ACTR3C: variants seen among roughly 807,000 people sequenced by gnomAD.
The protein encoded by ACTR3C is actin-related protein 3C.
A neutral mutation model predicts 26.3 loss-of-function variants in ACTR3C; 18 were observed. The observed-to-expected ratio is 0.68, with a 90% CI of 0.47 to 1.01. The LOEUF (loss-of-function observed/expected upper bound fraction) is 1.01, where lower values mean the gene tolerates loss of function less well. ACTR3C is among the 50% of genes least tolerant of loss of function. The pLI is 0.00. For missense variants in ACTR3C, 184 were observed against 250.7 expected (o/e 0.73, Z 1.80); for synonymous variants, 55 against 94.5 (o/e 0.58, Z 2.42).
chr7:150,314,265 C>T (rs1056215770), intron 1 of ACTR3C, among the ~76,000 whole-genome samples: 1 of 152,192 alleles, frequency 6.6e-6, no homozygotes, highest in Non-Finnish European at 1.5e-5. Context: ...AGCCTTGTTC[C>T]TGGATTTAAC....
the ACTR3C span, among the ~76,000 whole-genome samples, chr7:150,104,501 C>G: frequency 1.3e-5 from 2 of 151,662 alleles, no homozygotes; most frequent in African/African-American, 2.4e-5. Context: ...GTTTCCCTGT[C>G]TTCAGGATGT....
At chr7:150,231,002 A>G in the ACTR3C span, among the ~76,000 whole-genome samples, 5 of 151,808 alleles carry the variant, frequency 3.3e-5, no homozygotes, top group East Asian at 9.7e-4. Context: ...TTCTGCTCTA[A>G]TTTTTTTATG....
chr7:150,034,954 A>AGCTCTC, the ACTR3C span, among the ~76,000 whole-genome samples: 1 of 132,230 alleles, frequency 7.6e-6, no homozygotes, highest in Non-Finnish European at 1.6e-5. Flanking sequence ...AAGAGGGGAT[A>AGCTCTC]ACTCTCAGTC....
chr7:150,275,495 G>C (rs556351079), intron 6 of ACTR3C, among the ~76,000 whole-genome samples: 1 of 152,344 alleles, frequency 6.6e-6, no homozygotes, highest in African/African-American at 2.4e-5. Context: ...CAGATCACCT[G>C]AGGTCAGGAG....
chr7:150,297,211 T>A (rs1245844723), intron 1 of ACTR3C, among the ~76,000 whole-genome samples: 4 of 149,114 alleles, frequency 2.7e-5, no homozygotes, highest in African/African-American at 5.2e-5. Flanking sequence ...CTGGCCACAG[T>A]GTCAATCAAG....
chr7:150,085,726 G>A, the ACTR3C span, among the ~76,000 whole-genome samples: 9 of 152,082 alleles, frequency 5.9e-5, no homozygotes, highest in Non-Finnish European at 8.8e-5. Context: ...AGTTTAATAA[G>A]TATCCATCAT....
chr7:150,146,620 C>A, the ACTR3C span, among the ~76,000 whole-genome samples: 2 of 152,146 alleles, frequency 1.3e-5, no homozygotes, highest in Non-Finnish European at 2.9e-5. Context: ...TACGTTCTAG[C>A]TACTGGAATA....
chr7:150,286,253 C>T lies in ACTR3C; in HGVS notation c.471+114G>A, dbSNP rs1220213411. 3.7e-5 allele frequency: 49 copies of T among 1,341,244 alleles called. No homozygotes were observed. The South Asian group carries it at 6.9e-4, about 19-fold the overall frequency. The allele number at this position is 1,341,244 out of a possible 1,614,324, so 83.1% of individuals were successfully genotyped here. On this transcript the variant is annotated intron_variant, in intron 5 of 7. Transcript: ENST00000683684. ...AACTGCATGGGGGATGCAGAGAGAC[C>T]GAATGACGGCCACCCTGCTCACAGG... is the stretch of plus-strand genomic sequence containing the variant.
chr7:150,108,084 G>C, the ACTR3C span, among the ~76,000 whole-genome samples: 1 of 150,064 alleles, frequency 6.7e-6, no homozygotes, highest in African/African-American at 2.5e-5. Context: ...ATAGTGATCT[G>C]ATAGCAGTGG....
intron 6 of ACTR3C, among the ~76,000 whole-genome samples, chr7:150,254,925 A>G (rs1413619767): frequency 2.0e-5 from 3 of 152,178 alleles, no homozygotes; most frequent in Non-Finnish European, 4.4e-5. Flanking sequence ...CGAATATGGC[A>G]TCAAGTTTGA....
chr7:150,282,851 G>C (rs1308170709), intron 6 of ACTR3C, among the ~76,000 whole-genome samples: 1 of 146,176 alleles, frequency 6.8e-6, no homozygotes, highest in South Asian at 2.1e-4. Context: ...ACTCCAGCAC[G>C]GGCAACAAAA....
intron 6 of ACTR3C, among the ~76,000 whole-genome samples, chr7:150,271,287 CACCAACCCGTCATCT>C: frequency 6.8e-6 from 1 of 146,660 alleles, no homozygotes; most frequent in South Asian, 2.2e-4. Flanking sequence ...TTGCTGCACC[CACCAACCCGTCATCT>C]ACATTAGGTA....
At chr7:150,087,378 G>C in the ACTR3C span, among the ~76,000 whole-genome samples, 3 of 152,150 alleles carry the variant, frequency 2.0e-5, no homozygotes, top group African/African-American at 7.2e-5. Context: ...TTTCATAATA[G>C]AGTCATGAGT....
In ACTR3C at chr7:150,293,386, G is replaced by A. The variant is rs1490334552; in HGVS notation, c.79C>T (p.Arg27Ter). 24 of 1,605,326 alleles carry A rather than the reference G, an allele frequency of 1.5e-5. No individual in the cohort carries two copies. Among genetic ancestry groups the A allele is most frequent in the East Asian group, 2.2e-5 (1 of 44,792 alleles). ...VLALAASWTS[R>*]QVGERTLTGI... ...GTTAATGTACGTTCACCCACTTGTCGAGATGTCCAAGATGCCGCCAAGGCC... is the reference window on the plus strand; with the variant it reads ...GTTAATGTACGTTCACCCACTTGTCAAGATGTCCAAGATGCCGCCAAGGCC... The change falls in exon 3 of 8, where the codon CGA becomes TGA. Residue 27 changes from arginine to a stop codon, truncating the protein, a stop_gained. Coordinates refer to ENST00000683684, the MANE Select transcript of ACTR3C (RefSeq NM_001164458.2). LOFTEE classifies it high-confidence loss of function.
the ACTR3C span, among the ~76,000 whole-genome samples, chr7:150,167,327 AT>A: frequency 6.6e-6 from 1 of 150,528 alleles, no homozygotes; most frequent in African/African-American, 2.5e-5. Context: ...CAGATATGCT[AT>A]TTTTTGTCTA....
the ACTR3C span, among the ~76,000 whole-genome samples, chr7:150,162,810 C>T: frequency 6.6e-6 from 1 of 152,080 alleles, no homozygotes; most frequent in Admixed American, 6.5e-5. Context: ...TATCTCTACA[C>T]TAAAATTGAT....
the ACTR3C span, among the ~76,000 whole-genome samples, chr7:149,991,100 G>A: frequency 6.6e-6 from 1 of 152,200 alleles, no homozygotes; most frequent in Non-Finnish European, 1.5e-5. Context: ...CACGGCAGAA[G>A]GCAAAGGAGA....
chr7:150,023,215 CTCTATATA>C, the ACTR3C span, among the ~76,000 whole-genome samples: 2 of 144,116 alleles, frequency 1.4e-5, no homozygotes, highest in Non-Finnish European at 3.1e-5. Flanking sequence ...ATCTCTATAT[CTCTATATA>C]GATCTCTATA....
At chr7:150,072,726 C>T in the ACTR3C span, among the ~76,000 whole-genome samples, 2 of 152,136 alleles carry the variant, frequency 1.3e-5, no homozygotes, top group African/African-American at 4.8e-5. Flanking sequence ...AGGCAGCCAC[C>T]CATGTTTCCG....
Sources: gnomAD v4.1 joint callset for allele counts (sites outside exome capture counted in the v4.1 genomes callset) on GRCh38, gnomAD v4.1.1 for gene constraint, MANE v1.5 for transcripts, NCBI Gene and HGNC (gene_info 2026-07-23, HGNC 2026-07-21) for gene names.